Variants in RPH3AL observed in about 807,000 individuals in gnomAD.
The protein encoded by RPH3AL is rabphilin 3A like (without C2 domains), also known as rab effector Noc2.
Under a neutral mutation model 43.1 loss-of-function variants are expected in RPH3AL, and 38 were observed. That is an observed-to-expected ratio of 0.88 (90% confidence interval 0.68 to 1.15). The LOEUF (loss-of-function observed/expected upper bound fraction) is 1.15, where lower values mean the gene tolerates loss of function less well. Among genes scored for constraint, RPH3AL ranks in the 50% most tolerant of loss-of-function variants. RPH3AL has a pLI of 0.00. For missense variants in RPH3AL, 462 were observed against 423.2 expected (o/e 1.09, Z -0.81); for synonymous variants, 189 against 176.3 (o/e 1.07, Z -0.57).
chr17:269,478 A>T (rs2042410729), intron 6 of RPH3AL, among the ~76,000 whole-genome samples: 1 of 152,216 alleles, frequency 6.6e-6, no homozygotes, highest in African/African-American at 2.4e-5. Context: ...CCCGGCACAT[A>T]GCAAATCCTC....
rs1271579526 is a variant in RPH3AL, at chr17:323,172, C to T, written c.78-1757G>A. Among the ~76,000 whole-genome samples the T allele has an allele frequency of 1.3e-5, 2 of 151,726 alleles. No homozygotes were observed. Among genetic ancestry groups the T allele is most frequent in the African/African-American group, 2.4e-5 (1 of 41,278 alleles). On this transcript the variant is annotated intron_variant, in intron 3 of 9. Transcript: ENST00000331302. This position sits in a 1 kb window ranked among gnomAD's most constrained non-coding sequence, Gnocchi z 4.4. ...ATGGAAGGAGGGAGGCGGGTTCAGG[C>T]AGAGGAGATCACACACGAAAGGCAG... is the stretch of plus-strand genomic sequence containing the variant.
chr17:213,971 C>T (rs375170341), intron 9 of RPH3AL, 48 bp from the exon 10 acceptor site: 6 of 1,426,344 alleles, frequency 4.2e-6, no homozygotes, highest in Admixed American at 1.8e-5. Context: ...CGGTGGAGTC[C>T]CTCCCTCCCC....
intron 6 of RPH3AL, among the ~76,000 whole-genome samples, chr17:253,793 T>G (rs868995899): frequency 0.044 from 3,630 of 83,278 alleles, 330 homozygotes; most frequent in African/African-American, 0.07. Flanking sequence ...CGTCTGTCCT[T>G]TTCCATCCCT....
At chr17:296,736 A>G (rs1052609090) in intron 5 of RPH3AL, among the ~76,000 whole-genome samples, 3 of 152,206 alleles carry the variant, frequency 2.0e-5, no homozygotes, top group Non-Finnish European at 4.4e-5. Context: ...CAAACACACA[A>G]TATTGTTTTG....
At chr17:297,864 C>T (rs373943348) in intron 5 of RPH3AL, among the ~76,000 whole-genome samples, 33 of 152,202 alleles carry the variant, frequency 2.2e-4, no homozygotes, top group African/African-American at 4.8e-5. Flanking sequence ...CCGTTACTCC[C>T]GGGCCCTGGA....
intron 5 of RPH3AL, among the ~76,000 whole-genome samples, chr17:299,715 G>A (rs1016529326): frequency 9.8e-5 from 15 of 152,360 alleles, no homozygotes; most frequent in Non-Finnish European, 1.8e-4. Context: ...TGTGCGGCAC[G>A]GGGCCGCGCC....
At chr17:250,773 C>T (rs899716942) in intron 6 of RPH3AL, among the ~76,000 whole-genome samples, 21 of 151,278 alleles carry the variant, frequency 1.4e-4, no homozygotes, top group Admixed American at 1.3e-4. Flanking sequence ...TCTGCCACTG[C>T]GGGACCTCTC....
chr17:241,098 A>ATCATC (rs2041523086), intron 7 of RPH3AL, among the ~76,000 whole-genome samples: 18 of 94,402 alleles, frequency 1.9e-4, no homozygotes, highest in Non-Finnish European at 3.9e-4. Flanking sequence ...TAATAATAAT[A>ATCATC]ATCTTGTTGG....
At chr17:285,733 G>A (rs72631439) in intron 5 of RPH3AL, among the ~76,000 whole-genome samples, 12,102 of 152,222 alleles carry the variant, frequency 0.08, 1,285 homozygotes, top group East Asian at 0.55. Flanking sequence ...GCAGGACGGC[G>A]CTCGGCCAGA....
intron 7 of RPH3AL, among the ~76,000 whole-genome samples, chr17:229,864 T>C (rs569306966): frequency 1.7e-4 from 26 of 152,310 alleles, no homozygotes; most frequent in Middle Eastern, 3.4e-3. Flanking sequence ...CCAGAGGGCC[T>C]GTCCGCTTAG....
In RPH3AL at chr17:289,989, A is replaced by G. The variant is rs1412499851; in HGVS notation, c.352-8135T>C. On this transcript the variant is annotated intron_variant, in intron 5 of 9. Coordinates refer to ENST00000331302, the MANE Select transcript of RPH3AL (RefSeq NM_006987.4). The surrounding 1 kb of genome is among the most constrained non-coding windows in gnomAD (Gnocchi z 5.2). ...TCCCCTGCTGGGCCGTCATCTTCCC[A>G]AGGGCAGAGGCCACGTCTATTTCTG... Among the ~76,000 whole-genome samples, 1 of 152,118 alleles carries G rather than the reference A, an allele frequency of 6.6e-6. No individual in the cohort carries two copies. The highest frequency in any genetic ancestry group is 1.5e-5 in the Non-Finnish European group (1 of 68,028).
intron 2 of RPH3AL, among the ~76,000 whole-genome samples, chr17:327,906 G>A (rs894621667): frequency 3.9e-5 from 6 of 152,174 alleles, no homozygotes; most frequent in African/African-American, 1.2e-4. Flanking sequence ...CAACCCTGGA[G>A]GCCATCTGCT....
At chr17:236,653 C>T (rs1015225860) in intron 7 of RPH3AL, among the ~76,000 whole-genome samples, 1 of 152,240 alleles carries the variant, frequency 6.6e-6, no homozygotes, top group Non-Finnish European at 1.5e-5. Flanking sequence ...GCCGCCCTGT[C>T]TGTCTCCTCG....
In RPH3AL at chr17:215,523, C is replaced by T. The variant is rs62057049; in HGVS notation, c.876+131G>A. 206,740 of 870,296 alleles carry T rather than the reference C, an allele frequency of 0.24. 27,445 individuals are homozygous for T. The highest frequency in any genetic ancestry group is 0.27 in the Non-Finnish European group (177,268 of 656,566). The allele number at this position is 870,296 out of a possible 1,614,324, so 53.9% of individuals were successfully genotyped here. A position where few individuals can be genotyped will look rare whatever the true frequency, so the allele number is the denominator to read the frequency against. ...TGGGGTCTGGCTCACCTTGTTCCCC[C>T]GCACAGTGCTTGGTAAACAACATGC... is the stretch of plus-strand genomic sequence containing the variant. On this transcript the variant is annotated intron_variant, in intron 9 of 9. Transcript: ENST00000331302. The surrounding 1 kb of genome is among the most constrained non-coding windows in gnomAD (Gnocchi z 4.1).
At chr17:303,162 G>C (rs2043373117) in intron 5 of RPH3AL, among the ~76,000 whole-genome samples, 1 of 152,160 alleles carries the variant, frequency 6.6e-6, no homozygotes, top group Admixed American at 6.5e-5. Flanking sequence ...AGTTTCAGAG[G>C]CTGAGCAGGA....
At position 320,963 on chromosome 17, in the gene RPH3AL, T is replaced by G. The variant is rs574390297; in HGVS notation, c.221+309A>C. 3.2e-3 allele frequency among the ~76,000 whole-genome samples: 486 copies of G among 152,298 alleles called. 5 individuals carry two copies. Among genetic ancestry groups the G allele is most frequent in the Non-Finnish European group, 2.4e-3 (161 of 68,016 alleles). On this transcript the variant is annotated intron_variant, in intron 4 of 9. Transcript: ENST00000331302. ...TCCCTTGGCTGAACCACAGCTGACC[T>G]GCAGGTGTGCACAGCCGAACAGCTC...
rs11657097 is a variant in RPH3AL at position 264,277 on chromosome 17, G to T, written c.439-16992C>A. ...GACAGCAGGATTACCCTTCGGAGCCGCGAGCGCTGGATGGGGACTCAGAAT... is the reference window on the plus strand; with the variant it reads ...GACAGCAGGATTACCCTTCGGAGCCTCGAGCGCTGGATGGGGACTCAGAAT... On this transcript the variant is annotated intron_variant, in intron 6 of 9. Coordinates refer to ENST00000331302, the MANE Select transcript of RPH3AL (RefSeq NM_006987.4). This position sits in a 1 kb window ranked among gnomAD's most constrained non-coding sequence, Gnocchi z 4.8. 8.7e-6 allele frequency among the ~76,000 whole-genome samples: 1 copy of T among 114,504 alleles called. No individual in the cohort carries two copies. The highest frequency in any genetic ancestry group is 3.1e-5 in the African/African-American group (1 of 31,924). 75.1% of individuals were successfully genotyped at this position (114,504 alleles called of 152,430 possible). A position where few individuals can be genotyped will look rare whatever the true frequency, so the allele number is the denominator to read the frequency against.
chr17:293,147 A>G (rs2043085499), intron 5 of RPH3AL, among the ~76,000 whole-genome samples: 1 of 152,058 alleles, frequency 6.6e-6, no homozygotes, highest in Non-Finnish European at 1.5e-5. Flanking sequence ...TGCGAGCCTC[A>G]GGCCTGTGCC....
Position 247,197 on chromosome 17 carries a change from T to A in RPH3AL, c.527A>T (p.His176Leu). The A allele has an allele frequency of 1.9e-6, 3 of 1,613,720 alleles. No homozygotes were observed. Among genetic ancestry groups the A allele is most frequent in the Non-Finnish European group, 2.5e-6 (3 of 1,179,908 alleles). Residue 176 changes from histidine to leucine, a missense_variant, in exon 7 of 10, where the codon CAC becomes CTC. Physicochemically the swap from His to Leu is moderately conservative, Grantham distance 99 (BLOSUM62 -3). Coordinates refer to ENST00000331302, the MANE Select transcript of RPH3AL (RefSeq NM_006987.4). ...LKTPGRADDP[H>L]FRPLPTEPAE... ...CGGTTCCGTGGGCAAAGGTCGGAAG[T>A]GGGGGTCATCAGCTCGGCCAGGGGT...
Sources: allele counts gnomAD v4.1 joint callset (sites outside exome capture counted in the v4.1 genomes callset), GRCh38; gene constraint gnomAD v4.1.1; non-coding constraint Gnocchi (gnomAD v3.1); transcripts MANE v1.5; gene names NCBI Gene and HGNC (gene_info 2026-07-23, HGNC 2026-07-21).